Variants in DNAH6 observed in about 807,000 individuals in gnomAD.
The protein encoded by DNAH6 is dynein axonemal heavy chain 6.
Under a neutral mutation model 491.4 loss-of-function variants are expected in DNAH6, and 340 were observed. That is an observed-to-expected ratio of 0.69 (90% CI 0.63 to 0.76). The LOEUF (loss-of-function observed/expected upper bound fraction) is 0.76, where lower values mean the gene tolerates loss of function less well. Ranked by LOEUF, DNAH6 falls within the 30% of genes least tolerant of loss-of-function variation. The probability of loss-of-function intolerance (pLI) is 0.00; values close to 1 mark genes in which losing one functional copy is unlikely to be tolerated. For missense variants in DNAH6, 4,443 were observed against 4,972.2 expected, an observed-to-expected ratio of 0.89 and a Z score of 3.20; for synonymous variants, 1,603 against 1,686.1, an observed-to-expected ratio of 0.95 and a Z score of 1.21.
At chr2:84,727,993 T>G (rs1698797914) in intron 61 of DNAH6, 91 bp downstream of exon 61, 3 of 829,112 alleles carry the variant, frequency 3.6e-6, no homozygotes, top group Middle Eastern at 2.3e-4. Context: ...ATAATTCCCA[T>G]GTGCTGTAGG....
intron 59 of DNAH6, among the ~76,000 whole-genome samples, chr2:84,719,325 G>A (rs566912847): frequency 4.6e-5 from 7 of 151,718 alleles, no homozygotes; most frequent in Non-Finnish European, 8.8e-5. Context: ...TATTTCTGGC[G>A]GTTGTGTGTT....
intron 40 of DNAH6, 37 bp downstream of exon 40, chr2:84,672,521 T>C: frequency 6.6e-7 from 1 of 1,518,854 alleles, no homozygotes; most frequent in Non-Finnish European, 8.9e-7. Context: ...TGTGCTTAAA[T>C]TTAAATGACA....
chr2:84,690,300 C>T (rs536878055), intron 45 of DNAH6, among the ~76,000 whole-genome samples: 1 of 152,114 alleles, frequency 6.6e-6, no homozygotes, highest in Non-Finnish European at 1.5e-5. Flanking sequence ...TTAATTAGCC[C>T]TAATTCAAGA....
chr2:84,808,993 C>T (rs1187488421), intron 72 of DNAH6, among the ~76,000 whole-genome samples: 1 of 152,182 alleles, frequency 6.6e-6, no homozygotes, highest in Admixed American at 6.5e-5. Context: ...ATTACTTGAT[C>T]CCACTCAAGA....
chr2:84,697,369 G>A (rs1053139347), intron 46 of DNAH6, among the ~76,000 whole-genome samples: 5 of 152,058 alleles, frequency 3.3e-5, no homozygotes, highest in Non-Finnish European at 5.9e-5. Context: ...AGGTAAAATG[G>A]GAATGCCTGC....
chr2:84,646,972 C>T (rs542794967), intron 33 of DNAH6, among the ~76,000 whole-genome samples: 5 of 152,260 alleles, frequency 3.3e-5, no homozygotes, highest in Admixed American at 2.6e-4. Flanking sequence ...CTCAGCCTCC[C>T]GAGTAGCTGG....
chr2:84,694,652 G>T (rs944708071), intron 46 of DNAH6, among the ~76,000 whole-genome samples, 172 bp downstream of exon 46: 1 of 152,194 alleles, frequency 6.6e-6, no homozygotes, highest in African/African-American at 2.4e-5. Flanking sequence ...ATTTTACCAA[G>T]TATTGTTTCC....
chr2:84,818,643 AG>A (rs758404244), intron 76 of DNAH6, among the ~76,000 whole-genome samples: 46 of 152,330 alleles, frequency 3.0e-4, no homozygotes, highest in Non-Finnish European at 5.3e-4. Context: ...GAAACTTAAC[AG>A]GACAAACAGT....
chr2:84,726,870 T>C (rs910710894), intron 60 of DNAH6, among the ~76,000 whole-genome samples: 1 of 152,214 alleles, frequency 6.6e-6, no homozygotes, highest in African/African-American at 2.4e-5. Flanking sequence ...TCAGGCCTAA[T>C]CCCTCAATGC....
intron 62 of DNAH6, among the ~76,000 whole-genome samples, chr2:84,742,965 A>C (rs116423296): frequency 6.6e-6 from 1 of 152,338 alleles, no homozygotes; most frequent in Non-Finnish European, 1.5e-5. Flanking sequence ...TAAATGCATT[A>C]ACTTATTGAA....
At chr2:84,625,942 A>G (rs906558267) in intron 29 of DNAH6, among the ~76,000 whole-genome samples, 4 of 152,176 alleles carry the variant, frequency 2.6e-5, no homozygotes, top group African/African-American at 7.2e-5. Context: ...TCTTCTTTGA[A>G]CTACACCAAA....
intron 4 of DNAH6, among the ~76,000 whole-genome samples, chr2:84,536,631 A>G (rs955956473): frequency 1.9e-4 from 29 of 152,048 alleles, no homozygotes; most frequent in African/African-American, 7.0e-4. Context: ...GAATAATTTC[A>G]AGAGAACAAG....
At chr2:84,751,147 A>C (rs1286412788) in intron 63 of DNAH6, 1 of 152,258 alleles carries the variant, frequency 6.6e-6, no homozygotes, top group African/African-American at 2.4e-5. Context: ...CCAAAGAACA[A>C]CTTGCTGAAG....
At chr2:84,796,714 C>T (rs1678388260) in intron 69 of DNAH6, among the ~76,000 whole-genome samples, 1 of 152,112 alleles carries the variant, frequency 6.6e-6, no homozygotes, top group African/African-American at 2.4e-5. Flanking sequence ...TCAAATAAAA[C>T]ATCCAGACAT....
At chr2:84,588,777 T>C (rs183534384) in intron 15 of DNAH6, 49 bp from the exon 16 acceptor site, 135 of 1,444,496 alleles carry the variant, frequency 9.3e-5, no homozygotes, top group Admixed American at 3.0e-4. Context: ...TTAATTGGTC[T>C]TTATCAAAAA....
chr2:84,753,034 G>A (rs894417404), intron 63 of DNAH6, among the ~76,000 whole-genome samples: 9 of 152,242 alleles, frequency 5.9e-5, no homozygotes, highest in African/African-American at 2.2e-4. Context: ...GTGTATGAGG[G>A]TTCCAATTTC....
Position 84,679,439 on chromosome 2 carries a change from A to G in DNAH6, c.6745-1918A>G, listed in dbSNP as rs536999667. On this transcript the variant is annotated intron_variant, in intron 41 of 76. Coordinates refer to ENST00000389394, the MANE Select transcript of DNAH6 (RefSeq NM_001370.2). ...TGCATCACTATACATTCTAAGGGTA[A>G]ACCGAACAGCACACAACCAGGTAAA... is the stretch of plus-strand genomic sequence containing the variant. 9.8e-5 allele frequency among the ~76,000 whole-genome samples: 15 copies of G among 152,356 alleles called. No homozygotes were observed. In the South Asian group the frequency reaches 3.1e-3, roughly 32 times the overall value.
chr2:84,646,002 T>A (rs1261400478), intron 33 of DNAH6, among the ~76,000 whole-genome samples: 1 of 152,228 alleles, frequency 6.6e-6, no homozygotes, highest in African/African-American at 2.4e-5. Flanking sequence ...TTCGCAGATA[T>A]CATATATTTT....
chr2:84,504,090 G>A, the DNAH6 span, among the ~76,000 whole-genome samples: 3 of 151,630 alleles, frequency 2.0e-5, no homozygotes, highest in African/African-American at 7.3e-5. Context: ...CTTGTTTTTT[G>A]TTATTTTTTT....
Sources: gnomAD v4.1 joint callset for allele counts (sites outside exome capture counted in the v4.1 genomes callset) on GRCh38, gnomAD v4.1.1 for gene constraint, MANE v1.5 for transcripts, NCBI Gene and HGNC (gene_info 2026-07-23, HGNC 2026-07-21) for gene names.